PXDNL: variants seen among roughly 807,000 people sequenced by gnomAD.
PXDNL encodes the protein probable oxidoreductase PXDNL.
A neutral mutation model predicts 150.8 loss-of-function variants in PXDNL; 145 were observed. The observed-to-expected ratio is 0.96, with a 90% CI of 0.84 to 1.10. The LOEUF (loss-of-function observed/expected upper bound fraction) is 1.10, where lower values mean the gene tolerates loss of function less well. Among genes scored for constraint, PXDNL ranks in the 50% least tolerant of loss-of-function variants. The pLI is 0.00. For synonymous variants in PXDNL, 757 were observed against 725.7 expected (o/e 1.04, Z -0.69); for missense variants, 2,087 against 1,873.9 (o/e 1.11, Z -2.10).
intron 17 of PXDNL, among the ~76,000 whole-genome samples, chr8:51,377,129 C>CACACACAT (rs1019017556): frequency 6.6e-6 from 1 of 151,768 alleles, no homozygotes; most frequent in Non-Finnish European, 1.5e-5. Context: ...CACACACACA[C>CACACACAT]ACACACACAC....
chr8:51,363,426 G>C (rs1218721409), intron 19 of PXDNL, among the ~76,000 whole-genome samples: 2 of 152,174 alleles, frequency 1.3e-5, no homozygotes, highest in Non-Finnish European at 2.9e-5. Flanking sequence ...CTCTGAGTGA[G>C]CAATTCCTGT....
intron 18 of PXDNL, among the ~76,000 whole-genome samples, chr8:51,374,242 C>T (rs199992689): frequency 1.3e-5 from 2 of 152,174 alleles, no homozygotes; most frequent in African/African-American, 2.4e-5. Context: ...GTTACTCACA[C>T]TTTACAGATG....
At chr8:51,351,416 G>C (rs914414542) in intron 19 of PXDNL, among the ~76,000 whole-genome samples, 2 of 152,170 alleles carry the variant, frequency 1.3e-5, no homozygotes, top group African/African-American at 4.8e-5. Context: ...AGGTCAGAGA[G>C]ATACAGCAGA....
chr8:51,681,531 G>A (rs1383758075), intron 1 of PXDNL, among the ~76,000 whole-genome samples: 22 of 152,222 alleles, frequency 1.4e-4, no homozygotes, highest in Non-Finnish European at 8.8e-5. Context: ...CAGCCCACAT[G>A]CTGCTGCAGA....
chr8:51,683,156 T>C (rs1815790759), intron 1 of PXDNL, among the ~76,000 whole-genome samples: 1 of 114,408 alleles, frequency 8.7e-6, no homozygotes, highest in Non-Finnish European at 1.8e-5. Context: ...CTAACACCAA[T>C]TGTCTTTCAT....
At chr8:51,507,592 C>T (rs1401863714) in intron 4 of PXDNL, among the ~76,000 whole-genome samples, 1 of 152,178 alleles carries the variant, frequency 6.6e-6, no homozygotes, top group Non-Finnish European at 1.5e-5. Flanking sequence ...TTTTATTTTA[C>T]AACATTGCCA....
At chr8:51,761,816 A>T (rs965881133) in intron 1 of PXDNL, among the ~76,000 whole-genome samples, 1 of 152,250 alleles carries the variant, frequency 6.6e-6, no homozygotes, top group African/African-American at 2.4e-5. Context: ...AAATCATTTC[A>T]CTTGCTAGAT....
intron 3 of PXDNL, among the ~76,000 whole-genome samples, chr8:51,578,033 G>GGAAGGAAGGAAT (rs1813121718): frequency 9.3e-6 from 1 of 107,738 alleles, no homozygotes; most frequent in African/African-American, 5.0e-5. Context: ...AAGGAAGGAA[G>GGAAGGAAGGAAT]GAAGGAAGGA....
intron 1 of PXDNL, 25 bp downstream of exon 1, chr8:51,809,156 T>G (rs2037708360): frequency 6.2e-7 from 1 of 1,612,694 alleles, no homozygotes; most frequent in East Asian, 2.2e-5. Flanking sequence ...GGAAGAGGGT[T>G]TCTGGGGAAT....
chr8:51,434,559 T>G (rs1221436264), intron 12 of PXDNL, among the ~76,000 whole-genome samples: 1 of 152,250 alleles, frequency 6.6e-6, no homozygotes, highest in Non-Finnish European at 1.5e-5. Context: ...CCACATGGTT[T>G]GTACTCAATA....
chr8:51,424,569 T>C (rs927921891), intron 13 of PXDNL, among the ~76,000 whole-genome samples: 4 of 151,928 alleles, frequency 2.6e-5, no homozygotes, highest in African/African-American at 9.7e-5. Context: ...AAGATAAAAA[T>C]AACTACATTT....
intron 2 of PXDNL, among the ~76,000 whole-genome samples, chr8:51,642,250 A>G (rs1311259602): frequency 1.3e-5 from 2 of 152,010 alleles, no homozygotes; most frequent in East Asian, 3.9e-4. Flanking sequence ...AGATATACCT[A>G]ATGCTAAATG....
chr8:51,803,517 C>T (rs1289074417), intron 1 of PXDNL, among the ~76,000 whole-genome samples: 1 of 152,126 alleles, frequency 6.6e-6, no homozygotes, highest in Non-Finnish European at 1.5e-5. Flanking sequence ...ACAGATGTGG[C>T]CCCCATCCTC....
chr8:51,590,081 C>T (rs1441064668), intron 3 of PXDNL, among the ~76,000 whole-genome samples: 1 of 152,060 alleles, frequency 6.6e-6, no homozygotes, highest in Non-Finnish European at 1.5e-5. Context: ...TGCTCAGAGC[C>T]ACATTGGGTC....
chr8:51,802,538 A>T (rs530418014), intron 1 of PXDNL, among the ~76,000 whole-genome samples: 3 of 152,190 alleles, frequency 2.0e-5, no homozygotes, highest in Non-Finnish European at 4.4e-5. Flanking sequence ...GCCCAAGACA[A>T]TTCTTCTTCC....
At chr8:51,346,807 G>A (rs1316423192) in intron 19 of PXDNL, among the ~76,000 whole-genome samples, 6 of 152,146 alleles carry the variant, frequency 3.9e-5, no homozygotes, top group African/African-American at 1.4e-4. Context: ...CCTAGAAGCT[G>A]AGCAGATAAC....
chr8:51,622,917 G>T (rs1198021735), intron 2 of PXDNL, among the ~76,000 whole-genome samples: 1 of 152,170 alleles, frequency 6.6e-6, no homozygotes, highest in Non-Finnish European at 1.5e-5. Flanking sequence ...AACAAACGGG[G>T]GTGCTAAGCA....
Position 51,409,191 on chromosome 8 carries a change from C to G in PXDNL, c.2433G>C (p.Glu811Asp). The G allele has an allele frequency of 6.3e-7, 1 of 1,591,096 alleles. No individual in the cohort carries two copies. The highest frequency in any genetic ancestry group is 1.1e-5 in the South Asian group (1 of 88,966). Residue 811 changes from glutamate (E) to aspartate (D), a missense_variant, in exon 17 of 23, where the codon GAG becomes GAC. By Grantham distance (45) the Glu-to-Asp change is conservative (BLOSUM62 2). Transcript: ENST00000356297. ...RMLMHWGWFL[E>D]HDLDHTVPAL... The stretch of plus-strand genomic sequence containing the variant: ...CAGGCACTGTGTGGTCCAAGTCGTG[C>G]TCTAGAAACCAGCCCCAGTGCATGA...
At chr8:51,720,842 C>A (rs1417018009) in intron 1 of PXDNL, among the ~76,000 whole-genome samples, 2 of 152,254 alleles carry the variant, frequency 1.3e-5, no homozygotes, top group African/African-American at 4.8e-5. Flanking sequence ...GTGCAGGCTC[C>A]TGCCTAGGCC....
Sources: allele counts gnomAD v4.1 joint callset (sites outside exome capture counted in the v4.1 genomes callset), GRCh38; gene constraint gnomAD v4.1.1; transcripts MANE v1.5; gene names NCBI Gene and HGNC (gene_info 2026-07-23, HGNC 2026-07-21).